The following ADGRE3 variants were observed in gnomAD, a reference collection of about 807,000 sequenced individuals.
ADGRE3 encodes EGF-like module receptor 3.
A neutral mutation model predicts 80.1 loss-of-function variants in ADGRE3; 88 were observed. That is an observed-to-expected ratio of 1.10 (90% CI 0.93 to 1.31). ADGRE3 has a LOEUF of 1.31. Among genes scored for constraint, ADGRE3 ranks in the 40% most tolerant of loss-of-function variants. The probability of loss-of-function intolerance (pLI) is 0.00; values close to 1 mark genes in which losing one functional copy is unlikely to be tolerated. For synonymous variants in ADGRE3, 281 were observed against 294.8 expected (o/e 0.95, Z 0.48); for missense variants, 715 against 776.5 (o/e 0.92, Z 0.94).
At chr19:14,641,276 G>C (rs1474334213) in intron 10 of ADGRE3, 143 bp downstream of exon 10, 1 of 974,020 alleles carries the variant, frequency 1.0e-6, no homozygotes, top group South Asian at 1.6e-5. Context: ...TCCCAGCTAC[G>C]ATCTCAGAAG....
At chr19:14,603,809 G>A in the ADGRE3 span, among the ~76,000 whole-genome samples, 1 of 152,048 alleles carries the variant, frequency 6.6e-6, no homozygotes, top group Non-Finnish European at 1.5e-5. Flanking sequence ...AACATTTCCT[G>A]AGCACCTACT....
At chr19:14,617,151 G>A (rs1281996530), downstream of ADGRE3, among the ~76,000 whole-genome samples, 1 of 151,958 alleles carries the variant, frequency 6.6e-6, no homozygotes, top group African/African-American at 2.4e-5. Flanking sequence ...CTATTGCAGA[G>A]GGAAAGCAGA....
At chr19:14,663,350 G>C (rs944864504) in intron 3 of ADGRE3, 68 bp downstream of exon 3, 1 of 1,052,022 alleles carries the variant, frequency 9.5e-7, no homozygotes, top group Non-Finnish European at 1.2e-6. Flanking sequence ...GGGCAACAGA[G>C]CAAGACCCTG....
At chr19:14,605,650 A>G in the ADGRE3 span, among the ~76,000 whole-genome samples, 2 of 151,822 alleles carry the variant, frequency 1.3e-5, no homozygotes, top group Admixed American at 6.6e-5. Context: ...TTCACCATCA[A>G]TTTGTTTGGA....
the ADGRE3 span, among the ~76,000 whole-genome samples, chr19:14,601,608 G>C: frequency 1.3e-5 from 2 of 151,864 alleles, no homozygotes; most frequent in African/African-American, 4.8e-5. Context: ...ACTATAGTAT[G>C]GTTTATGTTT....
intron 8 of ADGRE3, among the ~76,000 whole-genome samples, chr19:14,644,666 C>T (rs1971351135): frequency 6.6e-6 from 1 of 152,090 alleles, no homozygotes; most frequent in Non-Finnish European, 1.5e-5. Flanking sequence ...TCAGTGTTGG[C>T]CTATGCCAGG....
chr19:14,642,442 T>A (rs1971280469), intron 9 of ADGRE3, among the ~76,000 whole-genome samples: 1 of 152,196 alleles, frequency 6.6e-6, no homozygotes, highest in African/African-American at 2.4e-5. Flanking sequence ...TTAAAAAACT[T>A]TTTTAAGTTC....
chr19:14,654,261 GT>G (rs35198087), intron 6 of ADGRE3, among the ~76,000 whole-genome samples: 59,234 of 134,158 alleles, frequency 0.44, 12,182 homozygotes, highest in East Asian at 0.62. Flanking sequence ...CCCAAAACCT[GT>G]TTTTTTTTTT....
At position 14,655,155 on chromosome 19, in the gene ADGRE3, A is replaced by G. The variant is rs1971717999; in HGVS notation, c.404T>C (p.Ile135Thr). 1 of 1,609,002 alleles carries G rather than the reference A, an allele frequency of 6.2e-7. No individual in the cohort carries two copies. Among genetic ancestry groups the G allele is most frequent in the Non-Finnish European group, 8.5e-7 (1 of 1,178,624 alleles). ...GAGAAGTGACTCAAATTTGTCCACA[A>G]TCTTTTGCAGCTTTGAAGACATAAA... The part of the protein sequence containing the change: ...TTEGRKELQK[I>T]VDKFESLLTN... Residue 135 changes from isoleucine (I) to threonine (T), a missense_variant, in exon 6 of 16, where the codon ATT (isoleucine) becomes ACT (threonine). Coordinates refer to ENST00000253673, the MANE Select transcript of ADGRE3 (RefSeq NM_032571.5).
chr19:14,650,516 C>T (rs1489612384), intron 7 of ADGRE3, among the ~76,000 whole-genome samples: 5 of 151,602 alleles, frequency 3.3e-5, no homozygotes, highest in African/African-American at 1.2e-4. Flanking sequence ...ATCTGTCTCT[C>T]CCCATGTCTC....
rs908333750 is a variant in ADGRE3 at position 14,619,355 on chromosome 19, T to C, written c.*78A>G. Reference sequence around the variant, plus strand: ...AGGATGATATGTTTAATGAATTCCCTTTTCCTTAGCTTCATTCTTCATAAT... The same window carrying C: ...AGGATGATATGTTTAATGAATTCCCCTTTCCTTAGCTTCATTCTTCATAAT... On this transcript the variant is annotated 3_prime_UTR_variant, in exon 16 of 16. Transcript: ENST00000253673. The C allele has an allele frequency of 9.1e-7, 1 of 1,098,908 alleles. No homozygotes were observed. 68.1% of individuals were successfully genotyped at this position (1,098,908 alleles called of 1,614,324 possible). A position where few individuals can be genotyped will look rare whatever the true frequency, so the allele number is the denominator to read the frequency against.
At chr19:14,640,998 T>C (rs1228797741) in intron 10 of ADGRE3, among the ~76,000 whole-genome samples, 1 of 152,096 alleles carries the variant, frequency 6.6e-6, no homozygotes, top group African/African-American at 2.4e-5. Context: ...AGCCTGAAAA[T>C]GGAGTAATAC....
In ADGRE3 at chr19:14,636,008, TCTTTCTTCCTTC is replaced by T. The variant is rs1255390296; in HGVS notation, c.1484+2085_1484+2096del. ...GCTCTCCTTTCTCTCTCTTTCTCTT[TCTTTCTTCCTTC>T]CTTCCTTCCTTCCTTCCTTCCTTCC... On this transcript the variant is annotated intron_variant, in intron 11 of 15. Coordinates refer to ENST00000253673, the MANE Select transcript of ADGRE3 (RefSeq NM_032571.5). Among the ~76,000 whole-genome samples the T allele has an allele frequency of 5.5e-4, 42 of 76,100 alleles. 1 individual carries two copies. The highest frequency in any genetic ancestry group is 1.9e-3 in the African/African-American group (33 of 17,806). 49.9% of individuals were successfully genotyped at this position (76,100 alleles called of 152,430 possible).
At chr19:14,635,789 G>A (rs1308449050) in intron 11 of ADGRE3, among the ~76,000 whole-genome samples, 2 of 152,046 alleles carry the variant, frequency 1.3e-5, no homozygotes, top group South Asian at 4.1e-4. Context: ...TTTATCCATT[G>A]TGCATACACT....
chr19:14,638,885 C>T (rs1971174205), intron 10 of ADGRE3, among the ~76,000 whole-genome samples: 1 of 152,102 alleles, frequency 6.6e-6, no homozygotes, highest in South Asian at 2.1e-4. Context: ...TTTGAAGTTG[C>T]TAAAAGAGTG....
intron 1 of ADGRE3, among the ~76,000 whole-genome samples, chr19:14,672,881 G>A (rs754502737): frequency 2.6e-5 from 4 of 151,934 alleles, no homozygotes; most frequent in Non-Finnish European, 4.4e-5. Flanking sequence ...CCAAAGCTTT[G>A]GGATTATAGG....
chr19:14,623,210 G>A lies in ADGRE3; in HGVS notation c.1920+2282C>T, dbSNP rs1371294340. On this transcript the variant is annotated intron_variant, in intron 15 of 15. Transcript: ENST00000253673. ...CACACTAGTCACATTCTTGTTTTAA[G>A]TGCCTTTAGTTTTAACAGTTCACTT... is the stretch of plus-strand genomic sequence containing the variant. 5.5e-5 allele frequency among the ~76,000 whole-genome samples: 2 copies of A among 36,636 alleles called. 1 individual carries two copies. Among genetic ancestry groups the A allele is most frequent in the Non-Finnish European group, 1.1e-4 (2 of 18,092 alleles). The allele number at this position is 36,636 out of a possible 152,430, so 24.0% of individuals were successfully genotyped here.
chr19:14,659,822 G>GAAAAAAAAAAAAAAAAAAAAAAAAAA (rs66908687), intron 4 of ADGRE3, among the ~76,000 whole-genome samples: 3 of 44,840 alleles, frequency 6.7e-5, no homozygotes, highest in African/African-American at 8.9e-5. Context: ...CTCTGCCTCT[G>GAAAAAAAAAAAAAAAAAAAAAAAAAA]AAAAAAAAAA....
intron 7 of ADGRE3, among the ~76,000 whole-genome samples, chr19:14,650,470 C>G (rs577932554): frequency 4.6e-5 from 7 of 150,938 alleles, no homozygotes; most frequent in African/African-American, 1.5e-4. Flanking sequence ...CTCTCCCCAT[C>G]TAATTCCATC....
Sources: gnomAD v4.1 joint callset for allele counts (sites outside exome capture counted in the v4.1 genomes callset) on GRCh38, gnomAD v4.1.1 for gene constraint, MANE v1.5 for transcripts, NCBI Gene and HGNC (gene_info 2026-07-23, HGNC 2026-07-21) for gene names.